C1orf21: variants seen among roughly 807,000 people sequenced by gnomAD.
C1orf21 encodes uncharacterized protein C1orf21.
In C1orf21, 3 loss-of-function variants were observed where a neutral mutation model predicts 18.7. That is an observed-to-expected ratio of 0.16 (90% CI 0.07 to 0.42). C1orf21 has a LOEUF of 0.42. C1orf21 is among the 10% of genes least tolerant of loss of function. C1orf21 has a pLI of 0.99. For missense variants in C1orf21, 104 were observed against 143.6 expected (o/e 0.72, Z 1.41); for synonymous variants, 41 against 46.4 (o/e 0.88, Z 0.47).
intron 3 of C1orf21, among the ~76,000 whole-genome samples, chr1:184,521,162 G>A (rs1269306329): frequency 6.6e-6 from 1 of 152,136 alleles, no homozygotes; most frequent in Non-Finnish European, 1.5e-5. Flanking sequence ...TGGGATTACA[G>A]GTGTGAGCCA....
intron 3 of C1orf21, among the ~76,000 whole-genome samples, chr1:184,573,180 C>T (rs1659138912): frequency 6.6e-6 from 1 of 152,172 alleles, no homozygotes; most frequent in Admixed American, 6.5e-5. Context: ...TGAGAATACT[C>T]ACTGATGGCA....
intron 3 of C1orf21, among the ~76,000 whole-genome samples, chr1:184,538,058 T>C (rs1658587194): frequency 1.3e-5 from 2 of 152,192 alleles, no homozygotes; most frequent in Admixed American, 1.3e-4. Flanking sequence ...CCACAGTCGC[T>C]GTAACTTTTC....
chr1:184,620,464 G>T lies in C1orf21; in HGVS notation c.*908G>T, dbSNP rs1350602393. On this transcript the variant is annotated 3_prime_UTR_variant, in exon 6 of 6. Transcript: ENST00000235307. ...TCCATTAAGAATCTACCAAGCATTA[G>T]CAAGGCTGAAAGTGGTCTAAGAGGT... The T allele has an allele frequency of 2.6e-5, 4 of 152,492 alleles. No homozygotes were observed. Among genetic ancestry groups the T allele is most frequent in the Non-Finnish European group, 4.4e-5 (3 of 68,014 alleles). The allele number at this position is 152,492 out of a possible 1,614,324, so 9.4% of individuals were successfully genotyped here.
intron 1 of C1orf21, among the ~76,000 whole-genome samples, chr1:184,392,322 C>CT (rs1409412575): frequency 6.6e-6 from 1 of 152,156 alleles, no homozygotes; most frequent in Non-Finnish European, 1.5e-5. Context: ...AGCCCTCCAC[C>CT]TCTTGATTTA....
intron 3 of C1orf21, among the ~76,000 whole-genome samples, chr1:184,576,648 T>C (rs189384302): frequency 1.4e-4 from 21 of 152,360 alleles, no homozygotes; most frequent in Middle Eastern, 3.4e-3. Context: ...TCACAGTCTA[T>C]GGCAATGCTC....
chr1:184,617,906 T>TG (rs1226421990), intron 5 of C1orf21, among the ~76,000 whole-genome samples: 1 of 56,608 alleles, frequency 1.8e-5, no homozygotes, highest in Non-Finnish European at 3.1e-5. Context: ...TTGTTGTTGT[T>TG]TTTTTTTTTT....
intron 3 of C1orf21, among the ~76,000 whole-genome samples, chr1:184,558,679 G>A (rs568667732): frequency 2.6e-5 from 4 of 152,308 alleles, no homozygotes; most frequent in Admixed American, 1.3e-4. Flanking sequence ...GGGATCCTTC[G>A]AGTAAACTTG....
chr1:184,423,491 G>T (rs1028869314), intron 1 of C1orf21, among the ~76,000 whole-genome samples: 6 of 152,158 alleles, frequency 3.9e-5, no homozygotes, highest in African/African-American at 1.4e-4. Flanking sequence ...GAGATTTTTT[G>T]AGTAGGAGGG....
Position 184,401,165 on chromosome 1 carries a change from TA to T in C1orf21, c.-125+13798del, listed in dbSNP as rs1395246874. Among the ~76,000 whole-genome samples the T allele has an allele frequency of 4.3e-4, 66 of 152,292 alleles. 1 individual carries two copies. The highest frequency in any genetic ancestry group is 3.6e-3 in the Admixed American group (55 of 15,286). On this transcript the variant is annotated intron_variant, in intron 1 of 5. Coordinates refer to ENST00000235307, the MANE Select transcript of C1orf21 (RefSeq NM_030806.4). ...TCTTTTTCTATGAACAGTTTCTTCA[TA>T]TTTTTTTGCCCATTTTTATAGAATT...
chr1:184,406,180 A>T (rs997436199), intron 1 of C1orf21, among the ~76,000 whole-genome samples: 2 of 152,230 alleles, frequency 1.3e-5, no homozygotes, highest in African/African-American at 4.8e-5. Flanking sequence ...AACCAAGTTA[A>T]AAATGAACTC....
chr1:184,554,897 A>T (rs977806270), intron 3 of C1orf21, among the ~76,000 whole-genome samples: 2 of 152,228 alleles, frequency 1.3e-5, no homozygotes, highest in African/African-American at 4.8e-5. Flanking sequence ...TCAAAAGTGC[A>T]TGCACATGTG....
At chr1:184,612,704 A>G (rs1454102941) in intron 5 of C1orf21, among the ~76,000 whole-genome samples, 1 of 152,168 alleles carries the variant, frequency 6.6e-6, no homozygotes, top group Non-Finnish European at 1.5e-5. Context: ...AAGCCCACTG[A>G]ACATTATGGA....
intron 1 of C1orf21, among the ~76,000 whole-genome samples, chr1:184,458,385 AG>A (rs1400706000): frequency 6.6e-6 from 1 of 152,196 alleles, no homozygotes; most frequent in African/African-American, 2.4e-5. Context: ...TAGGGGTAGA[AG>A]GTTTGTCACA....
intron 3 of C1orf21, among the ~76,000 whole-genome samples, chr1:184,565,276 A>G (rs905204396): frequency 1.3e-5 from 2 of 152,256 alleles, no homozygotes; most frequent in Admixed American, 6.5e-5. Context: ...TTGAATATCC[A>G]CCATGTTCCA....
chr1:184,432,168 C>G (rs181255974), intron 1 of C1orf21, among the ~76,000 whole-genome samples: 1 of 152,344 alleles, frequency 6.6e-6, no homozygotes, highest in Admixed American at 6.5e-5. Context: ...AATCCCATTA[C>G]TGGGTGTATA....
chr1:184,389,715 G>A (rs956426894), intron 1 of C1orf21, among the ~76,000 whole-genome samples: 12 of 152,198 alleles, frequency 7.9e-5, no homozygotes, highest in African/African-American at 2.9e-4. Context: ...ATTCTGAGTG[G>A]CTTGCTCCAG....
chr1:184,415,168 A>G (rs1281848020), intron 1 of C1orf21, among the ~76,000 whole-genome samples: 1 of 152,134 alleles, frequency 6.6e-6, no homozygotes, highest in Non-Finnish European at 1.5e-5. Context: ...GGGGTGTTGC[A>G]TTGGAGATGG....
intron 1 of C1orf21, among the ~76,000 whole-genome samples, chr1:184,442,796 T>C (rs934305259): frequency 1.3e-5 from 2 of 152,130 alleles, no homozygotes; most frequent in African/African-American, 4.8e-5. Context: ...AAACTATTTA[T>C]ATATATAAAA....
intron 3 of C1orf21, among the ~76,000 whole-genome samples, chr1:184,564,215 A>T (rs78404344): frequency 6.6e-6 from 1 of 152,362 alleles, no homozygotes; most frequent in East Asian, 1.9e-4. Context: ...CTCTAGAGTT[A>T]GAATATATAT....
Sources: allele counts gnomAD v4.1 joint callset (sites outside exome capture counted in the v4.1 genomes callset), GRCh38; gene constraint gnomAD v4.1.1; transcripts MANE v1.5; gene names NCBI Gene and HGNC (gene_info 2026-07-23, HGNC 2026-07-21).